BMPR1B: variants seen among roughly 807,000 people sequenced by gnomAD.
The protein encoded by BMPR1B is bone morphogenetic protein receptor type 1B.
BMPR1B carries 12 observed loss-of-function variants against 59.1 expected under a neutral mutation model. That is an observed-to-expected ratio of 0.20 (90% CI 0.13 to 0.33). The LOEUF (loss-of-function observed/expected upper bound fraction) is 0.33. Among genes scored for constraint, BMPR1B ranks in the 10% least tolerant of loss-of-function variants. The pLI is 1.00. For missense variants in BMPR1B, 550 were observed against 610.9 expected (o/e 0.90, Z 1.05); for synonymous variants, 237 against 207.3 (o/e 1.14, Z -1.23).
chr4:94,984,489 T>G (rs925493780), intron 2 of BMPR1B, among the ~76,000 whole-genome samples: 6 of 152,174 alleles, frequency 3.9e-5, no homozygotes, highest in Non-Finnish European at 7.3e-5. Flanking sequence ...TGTCATAATT[T>G]TAGCACTTAA....
At chr4:94,831,083 G>A (rs534265293) in intron 1 of BMPR1B, among the ~76,000 whole-genome samples, 77 of 152,272 alleles carry the variant, frequency 5.1e-4, no homozygotes, top group African/African-American at 1.7e-3. Flanking sequence ...TACCATAGGA[G>A]ATGACAGCTC....
intron 1 of BMPR1B, among the ~76,000 whole-genome samples, chr4:94,848,989 A>T (rs1179500810): frequency 6.6e-6 from 1 of 152,184 alleles, no homozygotes; most frequent in Non-Finnish European, 1.5e-5. Context: ...TTTTAGATAC[A>T]CTGAGATGTC....
intron 6 of BMPR1B, among the ~76,000 whole-genome samples, chr4:95,122,335 C>CAAA (rs34062951): frequency 1.1e-4 from 14 of 127,028 alleles, no homozygotes; most frequent in African/African-American, 3.0e-4. Context: ...GATCCTGTAT[C>CAAA]AAAAAAAAAA....
At chr4:94,951,382 C>T (rs1410901482) in intron 2 of BMPR1B, among the ~76,000 whole-genome samples, 1 of 152,078 alleles carries the variant, frequency 6.6e-6, no homozygotes. Flanking sequence ...CAGCTTTTGC[C>T]CATTCAGTAT....
chr4:94,999,461 AATAG>A (rs1410058501), intron 3 of BMPR1B, among the ~76,000 whole-genome samples: 1 of 151,826 alleles, frequency 6.6e-6, no homozygotes, highest in Non-Finnish European at 1.5e-5. Context: ...TAACCATGAA[AATAG>A]ATATTTGCTG....
chr4:94,938,143 T>C (rs1035088827), intron 2 of BMPR1B, among the ~76,000 whole-genome samples: 3 of 152,170 alleles, frequency 2.0e-5, no homozygotes, highest in African/African-American at 7.2e-5. Flanking sequence ...CCTGGGGTTC[T>C]GAGATCTCTA....
At chr4:94,956,128 A>G (rs1395611330) in intron 2 of BMPR1B, among the ~76,000 whole-genome samples, 1 of 152,222 alleles carries the variant, frequency 6.6e-6, no homozygotes, top group African/African-American at 2.4e-5. Context: ...ATTATAGTTC[A>G]TCAGTAGTTT....
chr4:94,869,251 C>A lies in BMPR1B; in HGVS notation c.-182-6580C>A, dbSNP rs1279702443. On this transcript the variant is annotated intron_variant, in intron 1 of 12. Transcript: ENST00000515059. ...AAAACTTCCGTGAGGTTTTTAGAATCTAGAATCATCATTCATATATTGTAT... is the reference window on the plus strand; with the variant it reads ...AAAACTTCCGTGAGGTTTTTAGAATATAGAATCATCATTCATATATTGTAT... Among the ~76,000 whole-genome samples, 4 of 152,094 alleles carry A rather than the reference C, an allele frequency of 2.6e-5. No individual in the cohort carries two copies. In the East Asian group the frequency reaches 7.7e-4, roughly 29 times the overall value.
intron 2 of BMPR1B, among the ~76,000 whole-genome samples, chr4:94,990,868 C>A (rs1721704112): frequency 6.6e-6 from 1 of 152,116 alleles, no homozygotes; most frequent in South Asian, 2.1e-4. Context: ...TTCTTCGTGG[C>A]CGAACTTTTT....
At chr4:94,882,190 A>G (rs2148980317) in intron 2 of BMPR1B, among the ~76,000 whole-genome samples, 1 of 152,090 alleles carries the variant, frequency 6.6e-6, no homozygotes, top group Non-Finnish European at 1.5e-5. Context: ...TGGATTTTTT[A>G]ATTAAAAAAA....
chr4:94,842,000 G>T (rs1176974936), intron 1 of BMPR1B, among the ~76,000 whole-genome samples: 2 of 152,116 alleles, frequency 1.3e-5, no homozygotes, highest in Non-Finnish European at 2.9e-5. Flanking sequence ...AACCAGGGCT[G>T]GTTAGGAAGT....
At chr4:94,775,062 C>T (rs1722319547) in intron 1 of BMPR1B, among the ~76,000 whole-genome samples, 1 of 152,142 alleles carries the variant, frequency 6.6e-6, no homozygotes, top group Non-Finnish European at 1.5e-5. Context: ...GTAGAAGGTT[C>T]TATACTGAAC....
At chr4:94,981,006 C>CGCGCGCGT (rs1560578240) in intron 2 of BMPR1B, among the ~76,000 whole-genome samples, 6 of 148,460 alleles carry the variant, frequency 4.0e-5, no homozygotes, top group African/African-American at 1.6e-4. Flanking sequence ...CACACACACA[C>CGCGCGCGT]ACACACACAC....
intron 10 of BMPR1B, 147 bp downstream of exon 10, chr4:95,131,659 G>T: frequency 1.1e-6 from 1 of 925,008 alleles, no homozygotes; most frequent in Non-Finnish European, 1.6e-6. Flanking sequence ...CATTTTATTA[G>T]CAACACAGCA....
rs769734308 is a variant in BMPR1B, at chr4:95,091,257, CT to C, written c.-17-13144del. On this transcript the variant is annotated intron_variant, in intron 3 of 12. Transcript: ENST00000515059. ...ATTCTTTTTCCTTTTTCTTTTCTTT[CT>C]TTTTTTCTTTTCTTTTTTTTTTGTT... Among the ~76,000 whole-genome samples, 27 of 151,428 alleles carry C rather than the reference CT, an allele frequency of 1.8e-4. 1 individual carries two copies. Among genetic ancestry groups the C allele is most frequent in the South Asian group, 1.5e-3 (7 of 4,792 alleles).
Position 95,148,451 on chromosome 4 carries a change from A to G in BMPR1B, c.1077-297A>G, listed in dbSNP as rs555678964. On this transcript the variant is annotated intron_variant, in intron 10 of 12. Coordinates refer to ENST00000515059, the MANE Select transcript of BMPR1B (RefSeq NM_001203.3). Reference sequence around the variant, plus strand: ...TTTTTTTAAGAGATGGCATCTCACTATGTTGCCCAGTCAGGCCTTGAACCT... The same window carrying G: ...TTTTTTTAAGAGATGGCATCTCACTGTGTTGCCCAGTCAGGCCTTGAACCT... Among the ~76,000 whole-genome samples, 4 of 151,434 alleles carry G rather than the reference A, an allele frequency of 2.6e-5. No individual in the cohort carries two copies. In the South Asian group the frequency reaches 6.3e-4, roughly 24 times the overall value.
intron 1 of BMPR1B, among the ~76,000 whole-genome samples, chr4:94,818,060 G>A (rs28429408): frequency 0.28 from 42,045 of 151,956 alleles, 6,321 homozygotes; most frequent in East Asian, 0.4. Context: ...GGATTCCATT[G>A]TTAACCCAGG....
intron 1 of BMPR1B, among the ~76,000 whole-genome samples, chr4:94,810,208 G>A (rs1723760865): frequency 6.6e-6 from 1 of 152,112 alleles, no homozygotes; most frequent in Non-Finnish European, 1.5e-5. Context: ...CAAGCCCATC[G>A]AAGTATTTTT....
intron 1 of BMPR1B, among the ~76,000 whole-genome samples, chr4:94,844,721 A>G (rs1230944069): frequency 2.6e-5 from 4 of 152,090 alleles, no homozygotes; most frequent in African/African-American, 7.2e-5. Context: ...AATATGGGCC[A>G]TAGGCAGTTT....
Sources: allele counts gnomAD v4.1 joint callset (sites outside exome capture counted in the v4.1 genomes callset), GRCh38; gene constraint gnomAD v4.1.1; transcripts MANE v1.5; gene names NCBI Gene and HGNC (gene_info 2026-07-23, HGNC 2026-07-21).